DLG2: variants seen among roughly 807,000 people sequenced by gnomAD.
The protein encoded by DLG2 is disks large homolog 2.
In DLG2, 45 loss-of-function variants were observed where a neutral mutation model predicts 132.5. The observed-to-expected ratio is 0.34, with a 90% CI of 0.27 to 0.44. The LOEUF is 0.44. Ranked by LOEUF, DLG2 falls within the 20% of genes least tolerant of loss-of-function variation. The pLI is 1.00. For synonymous variants in DLG2, 424 were observed against 419.6 expected, an observed-to-expected ratio of 1.01 and a Z score of -0.13; for missense variants, 1,045 against 1,196.9, an observed-to-expected ratio of 0.87 and a Z score of 1.87.
chr11:84,606,691 C>T (rs1007868945), intron 6 of DLG2, among the ~76,000 whole-genome samples: 2 of 152,018 alleles, frequency 1.3e-5, no homozygotes, highest in African/African-American at 4.8e-5. Flanking sequence ...CAAGTAAAAA[C>T]AAGTGCACTC....
chr11:85,077,011 C>G (rs2154169822), intron 6 of DLG2, among the ~76,000 whole-genome samples: 1 of 152,034 alleles, frequency 6.6e-6, no homozygotes, highest in East Asian at 2.0e-4. Context: ...AGATAAGCAC[C>G]TCAGTTATTG....
chr11:84,302,938 A>G (rs2154382694), intron 7 of DLG2, among the ~76,000 whole-genome samples: 1 of 152,020 alleles, frequency 6.6e-6, no homozygotes, highest in East Asian at 1.9e-4. Flanking sequence ...AAAACAAAAA[A>G]AAATACACAC....
chr11:85,442,513 C>T (rs919700493), intron 3 of DLG2, among the ~76,000 whole-genome samples: 2 of 152,128 alleles, frequency 1.3e-5, no homozygotes, highest in South Asian at 4.2e-4. Flanking sequence ...TATGGTGGTG[C>T]CATTACCAGG....
chr11:85,607,866 T>G (rs568753088), intron 2 of DLG2, among the ~76,000 whole-genome samples: 5 of 152,302 alleles, frequency 3.3e-5, no homozygotes, highest in South Asian at 2.1e-4. Flanking sequence ...ACTTAATTTT[T>G]GGGGCATAAC....
chr11:85,139,199 C>T (rs747155730), intron 5 of DLG2, among the ~76,000 whole-genome samples: 1 of 152,056 alleles, frequency 6.6e-6, no homozygotes, highest in Non-Finnish European at 1.5e-5. Flanking sequence ...TTACTATCTC[C>T]CCTATCTGAA....
chr11:84,502,930 G>A (rs2099225709), intron 7 of DLG2, among the ~76,000 whole-genome samples: 1 of 152,184 alleles, frequency 6.6e-6, no homozygotes, highest in African/African-American at 2.4e-5. Context: ...GCTACATGGA[G>A]AAGAAGGTCA....
chr11:84,848,209 G>T (rs1357483515), intron 6 of DLG2, among the ~76,000 whole-genome samples: 1 of 151,990 alleles, frequency 6.6e-6, no homozygotes, highest in Non-Finnish European at 1.5e-5. Flanking sequence ...AAAAGCCAGT[G>T]ACGGCCTGGT....
chr11:84,724,720 C>T (rs879548510), intron 6 of DLG2, among the ~76,000 whole-genome samples: 1 of 152,124 alleles, frequency 6.6e-6, no homozygotes, highest in Non-Finnish European at 1.5e-5. Context: ...AATTGGTATA[C>T]TAATCAGCTA....
chr11:84,470,312 A>G (rs1410587488), intron 7 of DLG2, among the ~76,000 whole-genome samples: 2 of 151,746 alleles, frequency 1.3e-5, no homozygotes, highest in African/African-American at 4.8e-5. Flanking sequence ...GATAGAATGG[A>G]TTTCATTTAA....
At chr11:85,193,087 T>TCC (rs1270531715) in intron 4 of DLG2, among the ~76,000 whole-genome samples, 2 of 152,134 alleles carry the variant, frequency 1.3e-5, no homozygotes, top group East Asian at 3.9e-4. Context: ...TACTGTCTAT[T>TCC]CCCCCTTCCT....
intron 7 of DLG2, among the ~76,000 whole-genome samples, chr11:84,527,893 T>TTCTCTCTC (rs60170305): frequency 0.048 from 6,027 of 125,588 alleles, 476 homozygotes; most frequent in Middle Eastern, 0.078. Flanking sequence ...CTCCCTCCCT[T>TTCTCTCTC]TCTCTCTCTC....
intron 3 of DLG2, among the ~76,000 whole-genome samples, chr11:85,320,028 T>G (rs1317041387): frequency 2.0e-5 from 3 of 151,866 alleles, no homozygotes; most frequent in African/African-American, 2.4e-5. Context: ...GTAGAAAAAT[T>G]TCTTAAACCA....
chr11:85,297,756 G>T (rs2079327527), intron 3 of DLG2, among the ~76,000 whole-genome samples: 1 of 152,130 alleles, frequency 6.6e-6, no homozygotes, highest in Non-Finnish European at 1.5e-5. Context: ...CCAGAGCAGA[G>T]TGTCAGAGTG....
chr11:83,823,270 T>C (rs2051383125), intron 17 of DLG2, among the ~76,000 whole-genome samples: 2 of 152,266 alleles, frequency 1.3e-5, no homozygotes, highest in Admixed American at 1.3e-4. Context: ...TTATCTGTGA[T>C]CAGCTGTTAT....
intron 11 of DLG2, among the ~76,000 whole-genome samples, chr11:84,013,459 A>C (rs2094994382): frequency 6.6e-6 from 1 of 152,166 alleles, no homozygotes; most frequent in East Asian, 1.9e-4. Flanking sequence ...AATATGTTTA[A>C]ATTCCTATGT....
intron 6 of DLG2, among the ~76,000 whole-genome samples, chr11:84,976,355 C>T (rs1434027887): frequency 6.6e-6 from 1 of 152,104 alleles, no homozygotes; most frequent in Non-Finnish European, 1.5e-5. Context: ...GTACCCACGA[C>T]TGTAAGACTG....
At chr11:84,486,498 A>C (rs2099151246) in intron 7 of DLG2, among the ~76,000 whole-genome samples, 1 of 152,110 alleles carries the variant, frequency 6.6e-6, no homozygotes, top group South Asian at 2.1e-4. Context: ...TAAGTCCCAA[A>C]GTTGCAGGGT....
At chr11:83,466,184 G>T (rs1425419891) in intron 26 of DLG2, among the ~76,000 whole-genome samples, 1 of 152,170 alleles carries the variant, frequency 6.6e-6, no homozygotes, top group Non-Finnish European at 1.5e-5. Flanking sequence ...AGGAACATCA[G>T]AATTCTATTA....
At chr11:84,838,585 T>G (rs890036590) in intron 6 of DLG2, among the ~76,000 whole-genome samples, 16 of 151,928 alleles carry the variant, frequency 1.1e-4, no homozygotes, top group African/African-American at 3.9e-4. Flanking sequence ...TTCATTTTTA[T>G]TCATAATCCC....
Sources: gnomAD v4.1 joint callset for allele counts (sites outside exome capture counted in the v4.1 genomes callset) on GRCh38, gnomAD v4.1.1 for gene constraint, MANE v1.5 for transcripts, NCBI Gene and HGNC (gene_info 2026-07-23, HGNC 2026-07-21) for gene names.